The following ANKRD17 variants were observed in gnomAD, a reference collection of about 807,000 sequenced individuals.
The protein encoded by ANKRD17 is ankyrin repeat domain-containing protein 17.
ANKRD17 carries 19 observed loss-of-function variants against 229.7 expected under a neutral mutation model. The ratio of observed to expected loss-of-function variants is 0.08; its 90% CI spans 0.06 to 0.12. ANKRD17 has a LOEUF of 0.12. Ranked by LOEUF, ANKRD17 falls within the 10% of genes least tolerant of loss-of-function variation. The probability of loss-of-function intolerance (pLI) is 1.00; values close to 1 mark genes in which losing one functional copy is unlikely to be tolerated. For missense variants in ANKRD17, 2,176 were observed against 3,176.8 expected, an observed-to-expected ratio of 0.68 and a Z score of 7.57; for synonymous variants, 1,112 against 1,146.1, an observed-to-expected ratio of 0.97 and a Z score of 0.60.
At chr4:73,243,372 T>C (rs748456360) in intron 1 of ANKRD17, among the ~76,000 whole-genome samples, 1 of 152,050 alleles carries the variant, frequency 6.6e-6, no homozygotes, top group South Asian at 2.1e-4. Context: ...GAAGTTCAAG[T>C]AAGAAAATAG....
rs373830415 is a variant in ANKRD17, at chr4:73,091,267, G to A, written c.6361C>T (p.Pro2121Ser). 26 of 1,614,076 alleles carry A rather than the reference G, an allele frequency of 1.6e-5. No homozygotes were observed. Among genetic ancestry groups the A allele is most frequent in the Admixed American group, 3.3e-5 (2 of 59,998 alleles). ...GGAACCTGAGACTGCTGAAGAGGTG[G>A]TCTTGGTTCCTGAGAAACAGATCCC... ...PPGSVSQEPR[P>S]PLQQSQVPPP... Residue 2121 changes from proline (P) to serine (S), a missense_variant, in exon 29 of 34, where the codon CCA becomes TCA. By Grantham distance (74) the Pro-to-Ser change is moderately conservative. This residue lies in a region of ANKRD17 where 424 missense variants were observed against 454.0 expected (regional missense o/e 0.93). Coordinates refer to ENST00000358602, the MANE Select transcript of ANKRD17 (RefSeq NM_032217.5).
At chr4:73,125,400 C>A in intron 16 of ANKRD17, 88 bp from the exon 17 acceptor site, 1 of 942,298 alleles carries the variant, frequency 1.1e-6, no homozygotes. Context: ...CAAATACACA[C>A]AAATACATAT....
At position 73,207,917 on chromosome 4, in the gene ANKRD17, AG is replaced by A. The variant is rs1478984964; in HGVS notation, c.394-30385del. Among the ~76,000 whole-genome samples, 3 of 152,154 alleles carry A rather than the reference AG, an allele frequency of 2.0e-5. 1 individual carries two copies. Among genetic ancestry groups the A allele is most frequent in the Non-Finnish European group, 1.5e-5 (1 of 68,014 alleles). ...ATTAAAAAAACTTGAGGCCGGGCAC[AG>A]TGGCTCACGCCTGTAATCCCAGCAC... On this transcript the variant is annotated intron_variant, in intron 1 of 33. Coordinates refer to ENST00000358602, the MANE Select transcript of ANKRD17 (RefSeq NM_032217.5).
chr4:73,115,542 G>A (rs1436678121), intron 23 of ANKRD17, among the ~76,000 whole-genome samples: 4 of 151,902 alleles, frequency 2.6e-5, no homozygotes, highest in East Asian at 1.9e-4. Flanking sequence ...CACCTGCCTC[G>A]GCCTCCCAAA....
At chr4:73,255,954 G>C (rs536059066) in intron 1 of ANKRD17, among the ~76,000 whole-genome samples, 2 of 152,268 alleles carry the variant, frequency 1.3e-5, no homozygotes, top group South Asian at 2.1e-4. Flanking sequence ...TCAAACTCCT[G>C]ACCTCAGGTG....
chr4:73,203,869 C>A (rs1238305656), intron 1 of ANKRD17, among the ~76,000 whole-genome samples: 1 of 147,602 alleles, frequency 6.8e-6, no homozygotes, highest in African/African-American at 2.5e-5. Flanking sequence ...TCAAGAAAAA[C>A]ACGAAGAAAA....
intron 1 of ANKRD17, among the ~76,000 whole-genome samples, chr4:73,247,691 G>A (rs186738147): frequency 1.6e-4 from 25 of 151,908 alleles, no homozygotes; most frequent in Admixed American, 7.2e-4. Flanking sequence ...TATAAATACC[G>A]TCATTAGTTT....
At chr4:73,079,655 T>C (rs28709646) in intron 30 of ANKRD17, among the ~76,000 whole-genome samples, 29,399 of 152,180 alleles carry the variant, frequency 0.19, 3,957 homozygotes, top group African/African-American at 0.38. Flanking sequence ...AAGTCTGTTT[T>C]ATTTTATCTT....
chr4:73,162,201 A>T (rs1732625745), intron 2 of ANKRD17, among the ~76,000 whole-genome samples: 1 of 151,990 alleles, frequency 6.6e-6, no homozygotes, highest in East Asian at 1.9e-4. Flanking sequence ...GGTGTGCACT[A>T]CCATGCTTGG....
At chr4:73,161,455 TG>T in intron 2 of ANKRD17, 107 bp from the exon 3 acceptor site, 1 of 1,126,198 alleles carries the variant, frequency 8.9e-7, no homozygotes, top group Non-Finnish European at 1.3e-6. Context: ...AACCTCCAAA[TG>T]GTAGAGTAGA....
chr4:73,153,761 TTTAA>T (rs1731302176), intron 6 of ANKRD17, 115 bp downstream of exon 6: 2 of 661,436 alleles, frequency 3.0e-6, no homozygotes, highest in Non-Finnish European at 4.5e-6. Context: ...TTATTTAACC[TTTAA>T]TTACATACTA....
intron 28 of ANKRD17, among the ~76,000 whole-genome samples, chr4:73,093,218 C>T (rs1023707761): frequency 5.9e-5 from 9 of 152,094 alleles, no homozygotes; most frequent in African/African-American, 2.2e-4. Context: ...TTCAAAGGAA[C>T]ATGAATTTAC....
chr4:73,141,581 T>C (rs775604118), intron 14 of ANKRD17, among the ~76,000 whole-genome samples, 160 bp downstream of exon 14: 1 of 152,238 alleles, frequency 6.6e-6, no homozygotes, highest in Non-Finnish European at 1.5e-5. Flanking sequence ...ATTAGTGCTA[T>C]TAACTATTTT....
chr4:73,188,366 C>G (rs973115597), intron 1 of ANKRD17, among the ~76,000 whole-genome samples: 1 of 152,092 alleles, frequency 6.6e-6, no homozygotes, highest in African/African-American at 2.4e-5. Context: ...GTAGGCGGAT[C>G]ATGAGGTCAG....
upstream of ANKRD17, chr4:73,258,798 T>TGCCGCC (rs1203341924): frequency 7.1e-4 from 806 of 1,139,278 alleles, 3 homozygotes; most frequent in East Asian, 6.8e-3. Context: ...TCACCTCTAC[T>TGCCGCC]GCCGCCGCCG....
Position 73,092,095 on chromosome 4 carries a change from T to C in ANKRD17, c.5533A>G (p.Thr1845Ala). The C allele has an allele frequency of 3.1e-6, 5 of 1,614,186 alleles. No individual in the cohort carries two copies. The highest frequency in any genetic ancestry group is 1.1e-5 in the South Asian group (1 of 91,082). Residue 1845 changes from threonine to alanine, a missense_variant, in exon 29 of 34, where the codon ACA (threonine) becomes GCA (alanine). Physicochemically the swap from Thr to Ala is moderately conservative, Grantham distance 58. Around this residue, in one of 18 missense-constraint regions of ANKRD17, gnomAD observed 142 missense variants for 200.4 expected, o/e 0.71. Transcript: ENST00000358602. ...GTGAGTGCTGTGGCAGTTTGAGATG[T>C]TGATGACAGAGCTACAGTTGTCATT... ...IKMTTVALSS[T>A]SQTATALTVP...
At chr4:73,156,700 G>A (rs573900694) in intron 3 of ANKRD17, among the ~76,000 whole-genome samples, 1 of 152,026 alleles carries the variant, frequency 6.6e-6, no homozygotes, top group South Asian at 2.1e-4. Context: ...GCTGTGCCAT[G>A]GTAAGACATG....
chr4:73,179,518 A>AT (rs56182757), intron 1 of ANKRD17, among the ~76,000 whole-genome samples: 8 of 40,786 alleles, frequency 2.0e-4, no homozygotes, highest in South Asian at 1.5e-3. Flanking sequence ...ATATATATAT[A>AT]TTTTTTTTTT....
At chr4:73,214,427 C>G (rs930581370) in intron 1 of ANKRD17, among the ~76,000 whole-genome samples, 1 of 152,100 alleles carries the variant, frequency 6.6e-6, no homozygotes, top group Non-Finnish European at 1.5e-5. Flanking sequence ...TGAGAATCTC[C>G]AAGACTCTTA....
Sources: gnomAD v4.1 joint callset for allele counts (sites outside exome capture counted in the v4.1 genomes callset) on GRCh38, gnomAD v4.1.1 for gene constraint, gnomAD v4.1.1 regional missense constraint, MANE v1.5 for transcripts, NCBI Gene and HGNC (gene_info 2026-07-23, HGNC 2026-07-21) for gene names.